Variants in PATJ observed in about 807,000 individuals in gnomAD.
The protein encoded by PATJ is PATJ crumbs cell polarity complex component, also known as inaD-like protein.
Under a neutral mutation model 224.9 loss-of-function variants are expected in PATJ, and 190 were observed. That is an observed-to-expected ratio of 0.84 (90% CI 0.75 to 0.95). The LOEUF (loss-of-function observed/expected upper bound fraction) is 0.95. PATJ is among the 40% of genes least tolerant of loss of function. PATJ has a pLI of 0.00. For missense variants in PATJ, 2,121 were observed against 2,270.3 expected, an observed-to-expected ratio of 0.93 and a Z score of 1.34; for synonymous variants, 769 against 820.3, an observed-to-expected ratio of 0.94 and a Z score of 1.07.
Position 62,114,049 on chromosome 1 carries a change from C to T in PATJ, c.4462-4C>T, listed in dbSNP as rs750708936. The T allele has an allele frequency of 6.2e-7, 1 of 1,613,458 alleles. No individual in the cohort carries two copies. Among genetic ancestry groups the T allele is most frequent in the Admixed American group, 1.7e-5 (1 of 59,878 alleles). On this transcript the variant is annotated splice_polypyrimidine_tract_variant and splice_region_variant and intron_variant, in intron 34 of 43. Coordinates refer to ENST00000642238, the MANE Select transcript of PATJ (RefSeq NM_001350145.3). The stretch of plus-strand genomic sequence containing the variant: ...AGCCCAGCTCAGGATGCCCATTGTT[C>T]CAGGTTAATGGGGTTGACCTGAGGA...
chr1:62,138,389 C>A (rs548920186), intron 41 of PATJ, among the ~76,000 whole-genome samples: 1 of 152,232 alleles, frequency 6.6e-6, no homozygotes, highest in Non-Finnish European at 1.5e-5. Flanking sequence ...TTCACTGCAA[C>A]CTCCGCCTCC....
chr1:61,814,552 G>GCGCA (rs1557693682), intron 14 of PATJ, among the ~76,000 whole-genome samples: 1 of 150,860 alleles, frequency 6.6e-6, no homozygotes, highest in African/African-American at 2.5e-5. Context: ...GTGTGTGCGC[G>GCGCA]CGCGCGCGCA....
chr1:61,965,121 CAAAAAAAAAAAAAAAAAA>C (rs34267345), intron 27 of PATJ, among the ~76,000 whole-genome samples: 1,471 of 54,150 alleles, frequency 0.027, 7 homozygotes, highest in Non-Finnish European at 0.035. Flanking sequence ...GACTCTGTCT[CAAAAAAAAAAAAAAAAAA>C]AAAAAAAAAA....
chr1:61,858,917 G>A (rs1303090790), intron 18 of PATJ, among the ~76,000 whole-genome samples: 2 of 152,178 alleles, frequency 1.3e-5, no homozygotes, highest in Non-Finnish European at 2.9e-5. Flanking sequence ...TTGACCTTTT[G>A]TGTATTTGGT....
intron 5 of PATJ, 110 bp downstream of exon 5, chr1:61,769,532 ATTTTTGCTTTCG>A (rs1449673583): frequency 3.1e-6 from 4 of 1,275,896 alleles, no homozygotes; most frequent in Non-Finnish European, 4.4e-6. Flanking sequence ...AACAGCTAAC[ATTTTTGCTTTCG>A]TTTTTGCTAT....
Position 61,791,370 on chromosome 1 carries a change from A to G in PATJ, c.1091A>G (p.Tyr364Cys). ...TAGGACAGTTCTCTTTTTGAAACTT[A>G]TAATGTTGAGCTTGTGAGAAAAGAT... ...PGSDSSLFET[Y>C]NVELVRKDGQ... Residue 364 changes from tyrosine (Y) to cysteine (C), a missense_variant, in exon 9 of 44, where the codon TAT becomes TGT. Transcript: ENST00000642238. 6.2e-7 allele frequency: 1 copy of G among 1,611,436 alleles called. No homozygotes were observed. Among genetic ancestry groups the G allele is most frequent in the Non-Finnish European group, 8.5e-7 (1 of 1,177,942 alleles).
At chr1:61,888,456 T>G (rs1241035864) in intron 22 of PATJ, among the ~76,000 whole-genome samples, 2 of 152,024 alleles carry the variant, frequency 1.3e-5, no homozygotes, top group Admixed American at 6.6e-5. Context: ...TTTGTACTTT[T>G]TTTTTTTCTT....
intron 27 of PATJ, among the ~76,000 whole-genome samples, chr1:61,977,884 C>CAA (rs567713561): frequency 6.6e-5 from 5 of 75,888 alleles, no homozygotes; most frequent in Admixed American, 1.5e-4. Context: ...TAGTAAGACT[C>CAA]AAAAAAAAAA....
At chr1:62,033,409 C>T (rs527612969) in intron 29 of PATJ, among the ~76,000 whole-genome samples, 1 of 152,282 alleles carries the variant, frequency 6.6e-6, no homozygotes, top group East Asian at 1.9e-4. Flanking sequence ...GGAACCAGGG[C>T]AGCTCTAGAG....
chr1:61,945,303 C>T (rs1322447324), intron 27 of PATJ, among the ~76,000 whole-genome samples: 2 of 152,038 alleles, frequency 1.3e-5, no homozygotes, highest in Admixed American at 1.3e-4. Context: ...AGAGTCAAGA[C>T]CCATCAGTGT....
chr1:61,817,669 A>G (rs1353073748), intron 14 of PATJ, among the ~76,000 whole-genome samples: 1 of 152,194 alleles, frequency 6.6e-6, no homozygotes, highest in Non-Finnish European at 1.5e-5. Context: ...CTCAAAAAAT[A>G]TAAAATAAAA....
At chr1:61,869,260 C>T (rs572921317) in intron 20 of PATJ, among the ~76,000 whole-genome samples, 9 of 150,754 alleles carry the variant, frequency 6.0e-5, no homozygotes, top group Admixed American at 3.3e-4. Context: ...GCGCCCGCCA[C>T]TACGCCCGGC....
chr1:61,859,319 T>A (rs1426165075), intron 18 of PATJ, among the ~76,000 whole-genome samples: 2 of 152,162 alleles, frequency 1.3e-5, no homozygotes, highest in African/African-American at 4.8e-5. Context: ...TGGGTGGAAC[T>A]TCACCCAGGC....
Position 62,108,508 on chromosome 1 carries a change from C to G in PATJ, c.4449C>G (p.Asp1483Glu), listed in dbSNP as rs778801912. The G allele has an allele frequency of 3.7e-6, 6 of 1,604,584 alleles. No individual in the cohort carries two copies. The highest frequency in any genetic ancestry group is 4.3e-6 in the Non-Finnish European group (5 of 1,172,464). ...GAGATGGAAGACTTTGGGCTGGTGA[C>G]CAGATATTAGAGGTATATGGTTTTG... Reference protein sequence around the residue: ...AARDGRLWAGDQILEVNGVDL... With the variant: ...AARDGRLWAGEQILEVNGVDL... Residue 1483 changes from aspartate to glutamate, a missense_variant, in exon 34 of 44, where the codon GAC becomes GAG. Physicochemically the swap from Asp to Glu is conservative, Grantham distance 45. Transcript: ENST00000642238.
intron 27 of PATJ, among the ~76,000 whole-genome samples, chr1:61,950,621 T>A (rs1303864905): frequency 6.6e-6 from 1 of 152,222 alleles, no homozygotes; most frequent in Non-Finnish European, 1.5e-5. Flanking sequence ...TTACCAAGCA[T>A]TTAAAGAATG....
chr1:61,857,201 C>A (rs74076201), intron 18 of PATJ, among the ~76,000 whole-genome samples: 2,557 of 152,206 alleles, frequency 0.017, 87 homozygotes, highest in African/African-American at 0.057. Context: ...ACCACCACCA[C>A]CAACAACAAA....
At position 62,018,302 on chromosome 1, in the gene PATJ, A is replaced by T. The variant is rs182215650; in HGVS notation, c.3959+355A>T. 6.6e-6 allele frequency among the ~76,000 whole-genome samples: 1 copy of T among 152,186 alleles called. No homozygotes were observed. Among genetic ancestry groups the T allele is most frequent in the Non-Finnish European group, 1.5e-5 (1 of 68,038 alleles). ...CATTTGCTGAATCATTAATGTCTTC[A>T]TTAAAGAACAAACAGGAAAACAGAA... is the stretch of plus-strand genomic sequence containing the variant. On this transcript the variant is annotated intron_variant, in intron 29 of 43. Transcript: ENST00000642238. The surrounding 1 kb of genome is among the most constrained non-coding windows in gnomAD (Gnocchi z 4.2).
intron 29 of PATJ, among the ~76,000 whole-genome samples, chr1:62,023,624 T>C (rs1647221302): frequency 6.6e-6 from 1 of 152,156 alleles, no homozygotes; most frequent in African/African-American, 2.4e-5. Context: ...CAGAGAAAGA[T>C]GCTTAGGCTA....
chr1:61,855,760 A>G (rs1663556254), intron 17 of PATJ, among the ~76,000 whole-genome samples: 1 of 152,062 alleles, frequency 6.6e-6, no homozygotes, highest in South Asian at 2.1e-4. Context: ...AGGTCTTGCT[A>G]TATTGCCTAG....
Sources: allele counts gnomAD v4.1 joint callset (sites outside exome capture counted in the v4.1 genomes callset), GRCh38; gene constraint gnomAD v4.1.1; non-coding constraint Gnocchi (gnomAD v3.1); transcripts MANE v1.5; gene names NCBI Gene and HGNC (gene_info 2026-07-23, HGNC 2026-07-21).